RTN1: variants seen among roughly 807,000 people sequenced by gnomAD.
The protein encoded by RTN1 is reticulon-1.
RTN1 carries 25 observed loss-of-function variants against 65.5 expected under a neutral mutation model. The ratio of observed to expected loss-of-function variants is 0.38; its 90% CI spans 0.28 to 0.53. The LOEUF is 0.53. Ranked by LOEUF, RTN1 falls within the 20% of genes least tolerant of loss-of-function variation. RTN1 has a pLI of 0.79. For missense variants in RTN1, 983 were observed against 1,025.4 expected (o/e 0.96, Z 0.57); for synonymous variants, 471 against 447.6 (o/e 1.05, Z -0.66).
At chr14:59,637,078 C>T (rs895166776) in intron 3 of RTN1, among the ~76,000 whole-genome samples, 11 of 152,170 alleles carry the variant, frequency 7.2e-5, no homozygotes, top group Admixed American at 2.0e-4. Context: ...CAATGTTGTT[C>T]GAGAGCACCT....
chr14:59,827,368 G>A (rs928792486), intron 1 of RTN1, among the ~76,000 whole-genome samples: 5 of 152,092 alleles, frequency 3.3e-5, no homozygotes, highest in African/African-American at 7.2e-5. Flanking sequence ...GTGAGCCACC[G>A]CGCCCCGCTG....
intron 3 of RTN1, among the ~76,000 whole-genome samples, chr14:59,678,078 T>C (rs1450012475): frequency 6.6e-6 from 1 of 152,162 alleles, no homozygotes; most frequent in Non-Finnish European, 1.5e-5. Context: ...TGGCCTGAGA[T>C]GGTGAGTTTC....
At chr14:59,615,384 G>C (rs1163248886) in intron 3 of RTN1, among the ~76,000 whole-genome samples, 1 of 152,166 alleles carries the variant, frequency 6.6e-6, no homozygotes, top group African/African-American at 2.4e-5. Flanking sequence ...GGGAGGTGGA[G>C]GTTGCGATGA....
In RTN1 at chr14:59,607,302, G is replaced by A. The variant is rs113101447; in HGVS notation, c.1956C>T (p.Asp652=). The A allele has an allele frequency of 1.6e-4, 264 of 1,613,970 alleles. No homozygotes were observed. In the African/African-American group the frequency reaches 2.7e-3, roughly 16 times the overall value. Residue 652 remains aspartate (D), a synonymous_variant, in exon 4 of 9, where the codon GAC becomes GAT. Transcript: ENST00000267484. ...GCACTCACTTGAAAGGGTGGCCTTC[G>A]TCGGTTTTCTGCACTGCTTGTAAAA... ...KSVLQAVQKT[D]EGHPFKAYLE...
intron 2 of RTN1, among the ~76,000 whole-genome samples, chr14:59,740,607 C>T (rs1012208304): frequency 2.0e-5 from 3 of 152,036 alleles, no homozygotes; most frequent in Non-Finnish European, 2.9e-5. Flanking sequence ...GCTGCAGGGT[C>T]GGGGAGAAAA....
At chr14:59,691,935 C>T (rs1381450141) in intron 3 of RTN1, among the ~76,000 whole-genome samples, 1 of 151,962 alleles carries the variant, frequency 6.6e-6, no homozygotes, top group South Asian at 2.1e-4. Flanking sequence ...AGGAACATAC[C>T]TCAAAATAAA....
intron 3 of RTN1, among the ~76,000 whole-genome samples, chr14:59,654,991 C>A (rs1394886280): frequency 6.6e-6 from 1 of 152,102 alleles, no homozygotes; most frequent in East Asian, 1.9e-4. Flanking sequence ...GAAATGAAAG[C>A]CATTGACATT....
At chr14:59,773,365 T>C (rs956214236) in intron 1 of RTN1, among the ~76,000 whole-genome samples, 2 of 152,168 alleles carry the variant, frequency 1.3e-5, no homozygotes, top group African/African-American at 4.8e-5. Flanking sequence ...TAGTACTATG[T>C]CATGTAATTC....
rs111494409 is a variant in RTN1, at chr14:59,676,731, A to G, written c.1765+50188T>C. 4.1e-3 allele frequency among the ~76,000 whole-genome samples: 626 copies of G among 152,298 alleles called. 4 individuals are homozygous for G. The highest frequency in any genetic ancestry group is 0.015 in the African/African-American group (608 of 41,574). On this transcript the variant is annotated intron_variant, in intron 3 of 8. Coordinates refer to ENST00000267484, the MANE Select transcript of RTN1 (RefSeq NM_021136.3). Reference sequence around the variant, plus strand: ...AAATTTCTGGATCCATCCCCAATCAATCAAATCAGAATTGCTGGGGATGAA... The same window carrying G: ...AAATTTCTGGATCCATCCCCAATCAGTCAAATCAGAATTGCTGGGGATGAA...
intron 1 of RTN1, among the ~76,000 whole-genome samples, chr14:59,782,563 G>C (rs1353477218): frequency 1.3e-5 from 2 of 152,282 alleles, no homozygotes; most frequent in East Asian, 1.9e-4. Flanking sequence ...TGCAAGAATG[G>C]AAAGAAGTTA....
At chr14:59,822,473 C>G (rs998864392) in intron 1 of RTN1, among the ~76,000 whole-genome samples, 1 of 152,088 alleles carries the variant, frequency 6.6e-6, no homozygotes, top group Non-Finnish European at 1.5e-5. Flanking sequence ...TGTAGTTTCA[C>G]TGTTCTTTTA....
rs572979244 is a variant in RTN1 at position 59,737,921 on chromosome 14, C to T, written c.1015+7787G>A. Among the ~76,000 whole-genome samples, 10 of 152,276 alleles carry T rather than the reference C, an allele frequency of 6.6e-5. 1 individual carries two copies. The South Asian group carries it at 1.5e-3, about 22-fold the overall frequency. Reference sequence around the variant, plus strand: ...AAACAAGCAATGGGGAAAGAATTCCCTATGTAATAAATGGTGCTGGGATAA... The same window carrying T: ...AAACAAGCAATGGGGAAAGAATTCCTTATGTAATAAATGGTGCTGGGATAA... On this transcript the variant is annotated intron_variant, in intron 2 of 8. Transcript: ENST00000267484.
At chr14:59,717,695 T>A (rs978698616) in intron 3 of RTN1, among the ~76,000 whole-genome samples, 1 of 152,198 alleles carries the variant, frequency 6.6e-6, no homozygotes. Context: ...CACTCTCCCA[T>A]ACGGAGGTGG....
intron 3 of RTN1, among the ~76,000 whole-genome samples, chr14:59,634,890 A>G (rs1402814467): frequency 6.6e-6 from 1 of 152,212 alleles, no homozygotes; most frequent in East Asian, 1.9e-4. Flanking sequence ...AATTAATGGG[A>G]AACTTAATTA....
chr14:59,777,033 G>A (rs1328084313), intron 1 of RTN1, among the ~76,000 whole-genome samples: 4 of 152,110 alleles, frequency 2.6e-5, no homozygotes, highest in African/African-American at 4.8e-5. Context: ...CGTTCATTAC[G>A]GAGTGACATG....
intron 1 of RTN1, among the ~76,000 whole-genome samples, chr14:59,818,404 A>G (rs1488326443): frequency 6.6e-6 from 1 of 152,212 alleles, no homozygotes; most frequent in Non-Finnish European, 1.5e-5. Context: ...TCCAATCCCC[A>G]GGGGACTCCT....
rs969382605 is a variant in RTN1 at position 59,845,702 on chromosome 14, A to G, written c.241+24688T>C. On this transcript the variant is annotated intron_variant, in intron 1 of 8. Coordinates refer to ENST00000267484, the MANE Select transcript of RTN1 (RefSeq NM_021136.3). Reference sequence around the variant, plus strand: ...CATTCTCAGCTACCCCTTCCCCAGGAAAATCTTGTCATGCATAGAACTACT... The same window carrying G: ...CATTCTCAGCTACCCCTTCCCCAGGGAAATCTTGTCATGCATAGAACTACT... Among the ~76,000 whole-genome samples the G allele has an allele frequency of 1.1e-4, 17 of 152,320 alleles. 2 individuals are homozygous for G. Among genetic ancestry groups the G allele is most frequent in the Admixed American group, 6.5e-4 (10 of 15,302 alleles).
intron 3 of RTN1, among the ~76,000 whole-genome samples, chr14:59,623,783 TA>T (rs2140178717): frequency 6.6e-6 from 1 of 152,308 alleles, no homozygotes; most frequent in South Asian, 2.1e-4. Context: ...TGAATACGTT[TA>T]AAATTTGGGC....
chr14:59,823,316 C>A (rs1229341133), intron 1 of RTN1, among the ~76,000 whole-genome samples: 3 of 151,694 alleles, frequency 2.0e-5, no homozygotes, highest in Non-Finnish European at 4.4e-5. Context: ...ACTGTTTTGT[C>A]AGAAATAAGA....
Sources: gnomAD v4.1 joint callset for allele counts (sites outside exome capture counted in the v4.1 genomes callset) on GRCh38, gnomAD v4.1.1 for gene constraint, MANE v1.5 for transcripts, NCBI Gene and HGNC (gene_info 2026-07-23, HGNC 2026-07-21) for gene names.